Variants in CREB3L2 observed in about 807,000 individuals in gnomAD.
CREB3L2 encodes cyclic AMP-responsive element-binding protein 3-like protein 2.
A neutral mutation model predicts 57.2 loss-of-function variants in CREB3L2; 23 were observed. That is an observed-to-expected ratio of 0.40 (90% CI 0.29 to 0.57). The LOEUF is 0.57. Ranked by LOEUF, CREB3L2 falls within the 20% of genes least tolerant of loss-of-function variation. CREB3L2 has a pLI of 0.42. For missense variants in CREB3L2, 628 were observed against 634.7 expected (o/e 0.99, Z 0.11); for synonymous variants, 268 against 265.1 (o/e 1.01, Z -0.11).
At chr7:137,894,862 A>G (rs915517266) in intron 8 of CREB3L2, among the ~76,000 whole-genome samples, 1 of 152,228 alleles carries the variant, frequency 6.6e-6, no homozygotes, top group Non-Finnish European at 1.5e-5. Flanking sequence ...AAGAGAAACC[A>G]AAGTAAGGAC....
chr7:137,982,341 C>T (rs888392568), intron 1 of CREB3L2, among the ~76,000 whole-genome samples: 2 of 152,110 alleles, frequency 1.3e-5, no homozygotes, highest in Admixed American at 6.5e-5. Context: ...GCCATGAGTC[C>T]TTGGGAACCT....
intron 1 of CREB3L2, among the ~76,000 whole-genome samples, chr7:137,950,079 C>G (rs749720051): frequency 6.6e-6 from 1 of 152,194 alleles, no homozygotes; most frequent in East Asian, 1.9e-4. Flanking sequence ...GGCTTTACAA[C>G]TTACCCAAAG....
At chr7:137,927,742 G>A (rs17169449) in intron 2 of CREB3L2, among the ~76,000 whole-genome samples, 11,678 of 150,732 alleles carry the variant, frequency 0.077, 957 homozygotes, top group African/African-American at 0.21. Context: ...GAATTGGGTT[G>A]AGAGGATGCC....
intron 1 of CREB3L2, among the ~76,000 whole-genome samples, chr7:137,976,642 G>A (rs556061462): frequency 6.6e-6 from 1 of 152,278 alleles, no homozygotes; most frequent in South Asian, 2.1e-4. Context: ...GCATTACAGA[G>A]TAAGTTGCAG....
chr7:138,001,689 C>T lies in CREB3L2; in HGVS notation c.17G>A (p.Ser6Asn). 6.2e-7 allele frequency: 1 copy of T among 1,611,566 alleles called. No homozygotes were observed. The highest frequency in any genetic ancestry group is 8.5e-7 in the Non-Finnish European group (1 of 1,179,644). The change falls in exon 1 of 12, where the codon AGC (serine) becomes AAC (asparagine). Residue 6 changes from serine (S) to asparagine (N), a missense_variant. Transcript: ENST00000330387. The surrounding 1 kb of genome is among the most constrained non-coding windows in gnomAD (Gnocchi z 4.2). Reference sequence around the variant, plus strand: ...CCACTGCAGCACGCCCTGCTCCCCGCTCTCCAGCACCTCCATGGCGGTGCG... The same window carrying T: ...CCACTGCAGCACGCCCTGCTCCCCGTTCTCCAGCACCTCCATGGCGGTGCG... MEVLE[S>N]GEQGVLQWDR...
intron 1 of CREB3L2, among the ~76,000 whole-genome samples, chr7:137,938,934 C>G (rs977749041): frequency 6.6e-6 from 1 of 152,120 alleles, no homozygotes; most frequent in Non-Finnish European, 1.5e-5. Flanking sequence ...AGAAACACCC[C>G]ACAAGTGGCT....
At chr7:137,900,139 T>C (rs1799721283) in intron 8 of CREB3L2, among the ~76,000 whole-genome samples, 1 of 152,226 alleles carries the variant, frequency 6.6e-6, no homozygotes, top group Non-Finnish European at 1.5e-5. Context: ...AGCCAGTTTC[T>C]TAACCCTGCA....
intron 2 of CREB3L2, among the ~76,000 whole-genome samples, chr7:137,917,914 G>A (rs1420314069): frequency 1.3e-5 from 2 of 152,114 alleles, no homozygotes; most frequent in Non-Finnish European, 2.9e-5. Flanking sequence ...CCACATCCTG[G>A]TGGAAGGGGA....
chr7:137,885,208 ACT>A (rs1029242280), intron 9 of CREB3L2, 87 bp from the exon 10 acceptor site: 23 of 1,482,762 alleles, frequency 1.6e-5, no homozygotes, highest in Non-Finnish European at 2.1e-5. Context: ...AGGGACACAG[ACT>A]CTCCTCTTCA....
chr7:137,951,269 C>T (rs1014788705), intron 1 of CREB3L2, among the ~76,000 whole-genome samples: 1 of 152,096 alleles, frequency 6.6e-6, no homozygotes, highest in Non-Finnish European at 1.5e-5. Flanking sequence ...CTGTGATATG[C>T]CTCACAGAAA....
intron 1 of CREB3L2, among the ~76,000 whole-genome samples, chr7:137,928,924 G>A (rs1292979151): frequency 1.3e-5 from 2 of 152,156 alleles, no homozygotes; most frequent in Non-Finnish European, 2.9e-5. Context: ...ACAGTGCGGG[G>A]GGCATGATTC....
At chr7:137,886,614 C>T (rs773653227) in intron 8 of CREB3L2, among the ~76,000 whole-genome samples, 11 of 151,870 alleles carry the variant, frequency 7.2e-5, no homozygotes, top group Non-Finnish European at 1.0e-4. Flanking sequence ...TATGAAAGAA[C>T]AAAGATGCCT....
chr7:137,931,172 T>G (rs1451524247), intron 1 of CREB3L2, among the ~76,000 whole-genome samples: 2 of 150,478 alleles, frequency 1.3e-5, no homozygotes, highest in Non-Finnish European at 3.0e-5. Flanking sequence ...GTCAAGACTA[T>G]AGTGAACCAT....
In CREB3L2 at chr7:137,980,787, A is replaced by T. The variant is rs1185352869; in HGVS notation, c.102+20817T>A. Among the ~76,000 whole-genome samples the T allele has an allele frequency of 1.3e-5, 2 of 152,134 alleles. No homozygotes were observed. The highest frequency in any genetic ancestry group is 6.5e-5 in the Admixed American group (1 of 15,270). On this transcript the variant is annotated intron_variant, in intron 1 of 11. Transcript: ENST00000330387. The surrounding 1 kb of genome is among the most constrained non-coding windows in gnomAD (Gnocchi z 4.3). ...AACAATTTTCCACTGGCCATCAATA[A>T]AATTCCTCATTAATTTCTAAGAGTG...
intron 1 of CREB3L2, among the ~76,000 whole-genome samples, chr7:137,970,418 T>C (rs2117298764): frequency 6.6e-6 from 1 of 152,322 alleles, no homozygotes; most frequent in East Asian, 1.9e-4. Context: ...TTGGAATCAA[T>C]CCAGACATCG....
chr7:137,949,503 A>C (rs1056267594), intron 1 of CREB3L2, among the ~76,000 whole-genome samples: 7 of 152,196 alleles, frequency 4.6e-5, no homozygotes, highest in Non-Finnish European at 2.9e-5. Context: ...TGTGCAAGTT[A>C]CTTCCTTATA....
rs1006029784 is a variant in CREB3L2 at position 137,918,018 on chromosome 7, G to A, written c.320-2006C>T. On this transcript the variant is annotated intron_variant, in intron 2 of 11. Transcript: ENST00000330387. ...CGTGCCCCAGCTCAGCCCAGAGATG[G>A]AGCAACTGGACCACGAGCCAAAAGA... is the stretch of plus-strand genomic sequence containing the variant. Among the ~76,000 whole-genome samples the A allele has an allele frequency of 8.5e-5, 13 of 152,242 alleles. No individual in the cohort carries two copies. In the South Asian group the frequency reaches 1.7e-3, roughly 19 times the overall value.
At chr7:137,990,944 C>CT (rs1426927761) in intron 1 of CREB3L2, among the ~76,000 whole-genome samples, 1 of 151,908 alleles carries the variant, frequency 6.6e-6, no homozygotes, top group Non-Finnish European at 1.5e-5. Context: ...TCTGAAGGGA[C>CT]TTTTTTTTCC....
chr7:137,913,205 G>T, intron 3 of CREB3L2, 127 bp from the exon 4 acceptor site: 1 of 906,914 alleles, frequency 1.1e-6, no homozygotes, highest in Non-Finnish European at 1.6e-6. Flanking sequence ...GAATAGCTGA[G>T]TGTAGGCAAC....
Sources: allele counts gnomAD v4.1 joint callset (sites outside exome capture counted in the v4.1 genomes callset), GRCh38; gene constraint gnomAD v4.1.1; non-coding constraint Gnocchi (gnomAD v3.1); transcripts MANE v1.5; gene names NCBI Gene and HGNC (gene_info 2026-07-23, HGNC 2026-07-21).